Variants in ADGRL2 observed in about 807,000 individuals in gnomAD.
ADGRL2 encodes calcium-independent alpha-latrotoxin receptor 2.
A neutral mutation model predicts 157.4 loss-of-function variants in ADGRL2; 44 were observed. The observed-to-expected ratio is 0.28, with a 90% CI of 0.22 to 0.36. The LOEUF (loss-of-function observed/expected upper bound fraction) is 0.36, where lower values mean the gene tolerates loss of function less well. Among genes scored for constraint, ADGRL2 ranks in the 10% least tolerant of loss-of-function variants. The pLI is 1.00. For synonymous variants in ADGRL2, 585 were observed against 624.7 expected, an observed-to-expected ratio of 0.94 and a Z score of 0.95; for missense variants, 1,510 against 1,768.9, an observed-to-expected ratio of 0.85 and a Z score of 2.63.
intron 3 of ADGRL2, among the ~76,000 whole-genome samples, chr1:81,652,524 C>A (rs1277122755): frequency 6.6e-6 from 1 of 152,114 alleles, no homozygotes; most frequent in Non-Finnish European, 1.5e-5. Flanking sequence ...TCATATATAA[C>A]TAATGTCATC....
intron 2 of ADGRL2, among the ~76,000 whole-genome samples, chr1:81,445,556 G>A (rs2077582972): frequency 6.6e-6 from 1 of 152,138 alleles, no homozygotes; most frequent in African/African-American, 2.4e-5. Context: ...TGGGCTGAAG[G>A]GACTTAGAGA....
chr1:81,835,505 G>A (rs188583807), intron 1 of ADGRL2, among the ~76,000 whole-genome samples: 5 of 152,244 alleles, frequency 3.3e-5, no homozygotes, highest in Admixed American at 2.0e-4. Context: ...CCTTTGAATA[G>A]TCTATGGGAG....
intron 2 of ADGRL2, among the ~76,000 whole-genome samples, chr1:81,482,464 G>A (rs1185112272): frequency 5.7e-5 from 3 of 52,912 alleles, no homozygotes; most frequent in Admixed American, 5.6e-4. Context: ...AAAATAAGGC[G>A]AATAGCTATT....
intron 2 of ADGRL2, among the ~76,000 whole-genome samples, chr1:81,466,224 C>G (rs2078049055): frequency 6.6e-6 from 1 of 152,198 alleles, no homozygotes; most frequent in Non-Finnish European, 1.5e-5. Context: ...GATTCCTTTT[C>G]TCCCAGATGC....
At chr1:81,907,776 A>G (rs2094615563) in intron 3 of ADGRL2, among the ~76,000 whole-genome samples, 2 of 152,158 alleles carry the variant, frequency 1.3e-5, no homozygotes, top group African/African-American at 4.8e-5. Context: ...CCATGAACCC[A>G]CATTGACACA....
intron 1 of ADGRL2, among the ~76,000 whole-genome samples, chr1:81,440,015 G>C (rs187230776): frequency 8.2e-4 from 125 of 152,360 alleles, no homozygotes; most frequent in Non-Finnish European, 1.6e-3. Context: ...TAAAGGCACA[G>C]GGTGGGGAGT....
intron 1 of ADGRL2, among the ~76,000 whole-genome samples, chr1:81,817,375 A>G (rs1299771925): frequency 1.3e-5 from 2 of 151,644 alleles, no homozygotes; most frequent in Admixed American, 6.6e-5. Context: ...CTTCCTTTCT[A>G]TGAATTTGAG....
intron 2 of ADGRL2, among the ~76,000 whole-genome samples, chr1:81,513,261 AATCACTCTGT>A (rs998966932): frequency 1.3e-5 from 2 of 152,184 alleles, no homozygotes; most frequent in Admixed American, 6.6e-5. Context: ...GATGCTTGGT[AATCACTCTGT>A]ATCCTTAGGC....
At chr1:81,808,103 A>G (rs2089399269) in intron 1 of ADGRL2, among the ~76,000 whole-genome samples, 1 of 152,014 alleles carries the variant, frequency 6.6e-6, no homozygotes, top group Admixed American at 6.6e-5. Flanking sequence ...ATTGGTTTGG[A>G]AGTAGAAAGC....
intron 1 of ADGRL2, among the ~76,000 whole-genome samples, chr1:81,337,410 T>A (rs575048249): frequency 1.3e-5 from 2 of 152,126 alleles, no homozygotes; most frequent in Non-Finnish European, 2.9e-5. Context: ...GAAGCGCTCA[T>A]CCCAGACCCT....
intron 3 of ADGRL2, among the ~76,000 whole-genome samples, chr1:81,932,523 T>C (rs1286321631): frequency 6.6e-6 from 1 of 152,222 alleles, no homozygotes; most frequent in African/African-American, 2.4e-5. Flanking sequence ...GCCATTCATA[T>C]TTATTCTTTA....
Position 81,345,139 on chromosome 1 carries a change from G to A in ADGRL2, c.-302+38630G>A, listed in dbSNP as rs1031037101. On this transcript the variant is annotated intron_variant, in intron 1 of 24. Transcript: ENST00000370721. The stretch of plus-strand genomic sequence containing the variant: ...GCTTCTAAGTGATCCAAGAGAGGAA[G>A]AACCAGTGGAAACTACATGCTTTTT... Among the ~76,000 whole-genome samples, 9 of 152,326 alleles carry A rather than the reference G, an allele frequency of 5.9e-5. No individual in the cohort carries two copies. In the South Asian group the frequency reaches 1.2e-3, roughly 21 times the overall value.
chr1:81,375,254 G>T (rs1168333935), intron 1 of ADGRL2, among the ~76,000 whole-genome samples: 1 of 152,300 alleles, frequency 6.6e-6, no homozygotes, highest in East Asian at 1.9e-4. Flanking sequence ...CTTCATAGAG[G>T]AGGTATCAGT....
intron 2 of ADGRL2, among the ~76,000 whole-genome samples, chr1:81,892,937 CT>C (rs1202544528): frequency 3.3e-5 from 5 of 152,064 alleles, no homozygotes; most frequent in Non-Finnish European, 5.9e-5. Flanking sequence ...TGAGTATTTA[CT>C]TTATAATAAT....
chr1:81,484,758 TCTTTC>T (rs71936411), intron 2 of ADGRL2, among the ~76,000 whole-genome samples: 22,024 of 152,072 alleles, frequency 0.14, 1,658 homozygotes, highest in Admixed American at 0.18. Flanking sequence ...TGATTTTCTG[TCTTTC>T]CTTGTACTGT....
At chr1:81,515,966 CT>C (rs1169813186) in intron 2 of ADGRL2, among the ~76,000 whole-genome samples, 31 of 152,166 alleles carry the variant, frequency 2.0e-4, no homozygotes, top group African/African-American at 7.5e-4. Flanking sequence ...ATTCAAATGA[CT>C]TCATGGTATT....
chr1:81,952,891 T>C, intron 9 of ADGRL2, 96 bp from the exon 10 acceptor site: 1 of 957,560 alleles, frequency 1.0e-6, no homozygotes, highest in Non-Finnish European at 1.7e-6. Context: ...AACTTCGAGC[T>C]CTGGAACACC....
chr1:81,345,733 G>A (rs1662434744), intron 1 of ADGRL2, among the ~76,000 whole-genome samples: 1 of 151,904 alleles, frequency 6.6e-6, no homozygotes, highest in Admixed American at 6.6e-5. Flanking sequence ...GAAAGAGAAA[G>A]GCAAGAAAGA....
chr1:81,425,410 T>A (rs1281732309), intron 1 of ADGRL2, among the ~76,000 whole-genome samples: 1 of 150,850 alleles, frequency 6.6e-6, no homozygotes, highest in Non-Finnish European at 1.5e-5. Flanking sequence ...TAGAACCAAT[T>A]AAAAAAAAAA....
Sources: gnomAD v4.1 joint callset for allele counts (sites outside exome capture counted in the v4.1 genomes callset) on GRCh38, gnomAD v4.1.1 for gene constraint, MANE v1.5 for transcripts, NCBI Gene and HGNC (gene_info 2026-07-23, HGNC 2026-07-21) for gene names.